SLC2A13: variants seen among roughly 807,000 people sequenced by gnomAD.
SLC2A13 encodes solute carrier family 2 member 13, also known as proton myo-inositol cotransporter.
A neutral mutation model predicts 64.4 loss-of-function variants in SLC2A13; 32 were observed. The observed-to-expected ratio is 0.50, with a 90% CI of 0.37 to 0.67. The LOEUF (loss-of-function observed/expected upper bound fraction) is 0.67, where lower values mean the gene tolerates loss of function less well. Ranked by LOEUF, SLC2A13 falls within the 30% of genes least tolerant of loss-of-function variation. The pLI is 0.00. For missense variants in SLC2A13, 743 were observed against 829.2 expected, an observed-to-expected ratio of 0.90 and a Z score of 1.28; for synonymous variants, 338 against 327.1, an observed-to-expected ratio of 1.03 and a Z score of -0.36.
intron 3 of SLC2A13, among the ~76,000 whole-genome samples, chr12:40,005,806 A>G (rs1371738897): frequency 6.6e-6 from 1 of 152,188 alleles, no homozygotes; most frequent in Admixed American, 6.5e-5. Flanking sequence ...AGATTTTGGT[A>G]TCTGAGGGGT....
At chr12:39,981,289 T>A (rs943252575) in intron 3 of SLC2A13, among the ~76,000 whole-genome samples, 4 of 150,596 alleles carry the variant, frequency 2.7e-5, no homozygotes, top group Admixed American at 1.3e-4. Context: ...GCAAACACAT[T>A]CAAAAGCTAG....
At chr12:40,025,448 T>C (rs903456392) in intron 3 of SLC2A13, among the ~76,000 whole-genome samples, 1 of 152,068 alleles carries the variant, frequency 6.6e-6, no homozygotes, top group Admixed American at 6.6e-5. Context: ...AAGAGAAGGA[T>C]CACATATGCA....
chr12:39,768,646 C>A lies in SLC2A13; in HGVS notation c.1446-3788G>T, dbSNP rs540610127. ...TGGTTGGTGGAGTGGTCAGAACACACACAACATTTATAATTAAGTTTGACG... is the reference window on the plus strand; with the variant it reads ...TGGTTGGTGGAGTGGTCAGAACACAAACAACATTTATAATTAAGTTTGACG... On this transcript the variant is annotated intron_variant, in intron 7 of 9. Coordinates refer to ENST00000280871, the MANE Select transcript of SLC2A13 (RefSeq NM_052885.4). Among the ~76,000 whole-genome samples the A allele has an allele frequency of 2.0e-5, 3 of 152,168 alleles. No homozygotes were observed. The South Asian group carries it at 6.2e-4, about 32-fold the overall frequency.
At chr12:39,865,766 T>G (rs985584222) in intron 5 of SLC2A13, among the ~76,000 whole-genome samples, 2 of 152,094 alleles carry the variant, frequency 1.3e-5, no homozygotes, top group African/African-American at 4.8e-5. Flanking sequence ...TTTAGCAAAC[T>G]AACACAGAAA....
At chr12:40,092,267 A>C (rs895734427) in intron 1 of SLC2A13, among the ~76,000 whole-genome samples, 1 of 152,232 alleles carries the variant, frequency 6.6e-6, no homozygotes, top group Non-Finnish European at 1.5e-5. Flanking sequence ...AACTTTCCAC[A>C]TTTATTTGAA....
chr12:39,974,796 T>C (rs1437175733), intron 3 of SLC2A13, among the ~76,000 whole-genome samples: 1 of 152,236 alleles, frequency 6.6e-6, no homozygotes, highest in African/African-American at 2.4e-5. Context: ...TTTTGCAATA[T>C]AATTCTCCTG....
At chr12:40,005,859 G>C (rs902689655) in intron 3 of SLC2A13, among the ~76,000 whole-genome samples, 1 of 152,192 alleles carries the variant, frequency 6.6e-6, no homozygotes, top group Non-Finnish European at 1.5e-5. Context: ...GCTATTTTAA[G>C]TCCGTGGTTC....
At chr12:39,783,500 G>C (rs184095309) in intron 7 of SLC2A13, among the ~76,000 whole-genome samples, 1 of 152,258 alleles carries the variant, frequency 6.6e-6, no homozygotes, top group African/African-American at 2.4e-5. Flanking sequence ...GTGTAAAAGT[G>C]TTCCTATTAC....
intron 4 of SLC2A13, among the ~76,000 whole-genome samples, chr12:39,920,163 C>G (rs1383065002): frequency 6.6e-6 from 1 of 152,052 alleles, no homozygotes; most frequent in East Asian, 1.9e-4. Context: ...TTAAGCTTTT[C>G]CAATATTCAG....
chr12:40,069,150 G>C (rs1165133316), intron 1 of SLC2A13, among the ~76,000 whole-genome samples: 2 of 151,992 alleles, frequency 1.3e-5, no homozygotes, highest in Non-Finnish European at 2.9e-5. Context: ...TAGGTATTTA[G>C]TGTCTGTTGA....
At chr12:39,910,903 T>TG (rs1299247374) in intron 4 of SLC2A13, among the ~76,000 whole-genome samples, 1 of 151,954 alleles carries the variant, frequency 6.6e-6, no homozygotes, top group Non-Finnish European at 1.5e-5. Context: ...ACCAATATGG[T>TG]GAAACCCCGT....
At position 40,105,201 on chromosome 12, in the gene SLC2A13, C is replaced by T. The variant is rs1448747732; in HGVS notation, c.556+52G>A. ...GCAAGAGGCACGCAACACCCAGGGT[C>T]AAGGGCGGTGACAATGGGATCCCGG... On this transcript the variant is annotated intron_variant, in intron 1 of 9. Coordinates refer to ENST00000280871, the MANE Select transcript of SLC2A13 (RefSeq NM_052885.4). This position sits in a 1 kb window ranked among gnomAD's most constrained non-coding sequence, Gnocchi z 4.2. 4 of 1,487,936 alleles carry T rather than the reference C, an allele frequency of 2.7e-6. No homozygotes were observed. The highest frequency in any genetic ancestry group is 3.6e-6 in the Non-Finnish European group (4 of 1,122,422). The allele number at this position is 1,487,936 out of a possible 1,614,324, so 92.2% of individuals were successfully genotyped here.
intron 4 of SLC2A13, chr12:39,951,043 C>T: frequency 2.3e-6 from 1 of 429,848 alleles, no homozygotes; most frequent in Non-Finnish European, 4.1e-6. Flanking sequence ...TCAAATAAAG[C>T]CAATCATATA....
intron 4 of SLC2A13, among the ~76,000 whole-genome samples, chr12:39,935,935 G>T: frequency 6.6e-6 from 1 of 151,864 alleles, no homozygotes; most frequent in Non-Finnish European, 1.5e-5. Flanking sequence ...GCCCTGAGAA[G>T]TTATGAAACT....
At chr12:39,895,551 T>TATATATATACAC (rs1246193316) in intron 4 of SLC2A13, among the ~76,000 whole-genome samples, 7 of 66,764 alleles carry the variant, frequency 1.0e-4, no homozygotes, top group African/African-American at 4.4e-4. Context: ...TATATATATA[T>TATATATATACAC]ACACACACAC....
chr12:40,068,079 C>T lies in SLC2A13; in HGVS notation c.557-19869G>A, dbSNP rs144036846. 1.4e-3 allele frequency among the ~76,000 whole-genome samples: 215 copies of T among 152,008 alleles called. 1 individual carries two copies. The highest frequency in any genetic ancestry group is 4.8e-3 in the African/African-American group (199 of 41,476). ...CTACCATGCCCAGCTATTTATTTTT[C>T]GTTTTATTTTTATAGAGACAGGGTC... On this transcript the variant is annotated intron_variant, in intron 1 of 9. Transcript: ENST00000280871.
At chr12:40,085,876 ATCT>A in intron 1 of SLC2A13, among the ~76,000 whole-genome samples, 1 of 151,234 alleles carries the variant, frequency 6.6e-6, no homozygotes, top group Non-Finnish European at 1.5e-5. Flanking sequence ...TGCTACTCCC[ATCT>A]TCTTTTTTTT....
intron 4 of SLC2A13, among the ~76,000 whole-genome samples, chr12:39,897,351 C>T (rs1944951659): frequency 6.6e-6 from 1 of 152,170 alleles, no homozygotes; most frequent in Admixed American, 6.6e-5. Context: ...TTTGAAATCT[C>T]ACTACCCCTT....
chr12:40,095,924 G>A (rs924575017), intron 1 of SLC2A13, among the ~76,000 whole-genome samples: 8 of 151,838 alleles, frequency 5.3e-5, no homozygotes, highest in African/African-American at 1.9e-4. Flanking sequence ...TAGTTTTTTG[G>A]GGTTTTTCTG....
Sources: gnomAD v4.1 joint callset for allele counts (sites outside exome capture counted in the v4.1 genomes callset) on GRCh38, gnomAD v4.1.1 for gene constraint, Gnocchi (gnomAD v3.1) non-coding constraint, MANE v1.5 for transcripts, NCBI Gene and HGNC (gene_info 2026-07-23, HGNC 2026-07-21) for gene names.